The following TNFSF11 variants were observed in gnomAD, a reference collection of about 807,000 sequenced individuals.
TNFSF11 encodes tumor necrosis factor ligand superfamily member 11.
A neutral mutation model predicts 32.2 loss-of-function variants in TNFSF11; 12 were observed. The observed-to-expected ratio is 0.37, with a 90% CI of 0.24 to 0.60. The LOEUF is 0.60. Among genes scored for constraint, TNFSF11 ranks in the 20% least tolerant of loss-of-function variants. The probability of loss-of-function intolerance (pLI) is 0.66; values close to 1 mark genes in which losing one functional copy is unlikely to be tolerated. For missense variants in TNFSF11, 345 were observed against 398.0 expected (o/e 0.87, Z 1.13); for synonymous variants, 172 against 152.1 (o/e 1.13, Z -0.96).
intron 1 of TNFSF11, among the ~76,000 whole-genome samples, chr13:42,575,499 A>C (rs1240088962): frequency 2.0e-5 from 3 of 152,278 alleles, no homozygotes; most frequent in African/African-American, 7.2e-5. Flanking sequence ...GGGAAAAGAA[A>C]GTTGGGTTTG....
intron 4 of TNFSF11, among the ~76,000 whole-genome samples, chr13:42,602,827 A>G (rs1480309095): frequency 6.6e-6 from 1 of 152,256 alleles, no homozygotes; most frequent in Non-Finnish European, 1.5e-5. Flanking sequence ...TTTAAATGGC[A>G]TATGATAAAT....
intron 2 of TNFSF11, among the ~76,000 whole-genome samples, chr13:42,583,541 C>A (rs1217498685): frequency 6.7e-6 from 1 of 149,966 alleles, no homozygotes; most frequent in African/African-American, 2.5e-5. Context: ...ATATTATCAT[C>A]TTATAGATCC....
chr13:42,579,415 C>A (rs200552509), intron 1 of TNFSF11, among the ~76,000 whole-genome samples: 787 of 112,266 alleles, frequency 7.0e-3, no homozygotes, highest in Middle Eastern at 0.019. Context: ...ACCCTGTCTT[C>A]AAAAAAAAAA....
chr13:42,601,377 G>A (rs1318466849), intron 4 of TNFSF11, among the ~76,000 whole-genome samples: 1 of 152,154 alleles, frequency 6.6e-6, no homozygotes, highest in East Asian at 1.9e-4. Flanking sequence ...CTCCTGCAGA[G>A]GTCCAGGGAG....
chr13:42,563,461 A>G (rs992890876), intron 1 of TNFSF11, among the ~76,000 whole-genome samples: 1 of 152,122 alleles, frequency 6.6e-6, no homozygotes. Flanking sequence ...TCAAGAGTTC[A>G]AGACCAGCCT....
chr13:42,603,223 T>C (rs1016271795), intron 4 of TNFSF11, among the ~76,000 whole-genome samples: 1 of 152,182 alleles, frequency 6.6e-6, no homozygotes, highest in Non-Finnish European at 1.5e-5. Context: ...TCAAAATATC[T>C]TAGATGAAAT....
At chr13:42,604,379 G>A (rs751963061) in intron 4 of TNFSF11, among the ~76,000 whole-genome samples, 7 of 152,194 alleles carry the variant, frequency 4.6e-5, no homozygotes, top group Non-Finnish European at 1.0e-4. Context: ...CCTGAAATAA[G>A]ACCTCCGATG....
upstream of TNFSF11, among the ~76,000 whole-genome samples, chr13:42,571,004 T>C (rs1373268241): frequency 6.6e-6 from 1 of 152,038 alleles, no homozygotes; most frequent in Non-Finnish European, 1.5e-5. Flanking sequence ...TTTTTTTTTT[T>C]CCCACTAGGG....
intron 4 of TNFSF11, among the ~76,000 whole-genome samples, chr13:42,605,197 C>T (rs570165934): frequency 2.0e-5 from 3 of 152,310 alleles, no homozygotes; most frequent in African/African-American, 7.2e-5. Context: ...TAATTTATCT[C>T]CCTCAGCATC....
At chr13:42,583,795 G>A (rs1347457179) in intron 2 of TNFSF11, among the ~76,000 whole-genome samples, 1 of 151,952 alleles carries the variant, frequency 6.6e-6, no homozygotes, top group East Asian at 1.9e-4. Flanking sequence ...ACGTTATTTA[G>A]CGTTGTTCTG....
chr13:42,599,438 C>T (rs1869041292), intron 2 of TNFSF11, among the ~76,000 whole-genome samples: 1 of 151,788 alleles, frequency 6.6e-6, no homozygotes, highest in East Asian at 1.9e-4. Flanking sequence ...AGCTGCATGG[C>T]CTATCTTTCA....
At chr13:42,603,421 G>A (rs1869281971) in intron 4 of TNFSF11, among the ~76,000 whole-genome samples, 1 of 152,076 alleles carries the variant, frequency 6.6e-6, no homozygotes, top group African/African-American at 2.4e-5. Context: ...GAAAATCCAG[G>A]TTTCCATGTG....
At chr13:42,586,378 T>G (rs1346653514) in intron 2 of TNFSF11, among the ~76,000 whole-genome samples, 1 of 152,250 alleles carries the variant, frequency 6.6e-6, no homozygotes, top group Non-Finnish European at 1.5e-5. Context: ...CCATTCAGAA[T>G]GTTACAAGCC....
chr13:42,589,751 C>T (rs150256973), intron 2 of TNFSF11, among the ~76,000 whole-genome samples: 1 of 152,332 alleles, frequency 6.6e-6, no homozygotes, highest in Non-Finnish European at 1.5e-5. Flanking sequence ...GGGCAAAGGG[C>T]ATGTCTGTCC....
chr13:42,597,188 T>C (rs2137896359), intron 2 of TNFSF11, among the ~76,000 whole-genome samples: 1 of 145,562 alleles, frequency 6.9e-6, no homozygotes, highest in South Asian at 2.3e-4. Context: ...TAGACAGTCA[T>C]GCGCTCTCTT....
chr13:42,566,999 AAAT>A (rs1872895415), intron 2 of TNFSF11, among the ~76,000 whole-genome samples: 2 of 26,134 alleles, frequency 7.7e-5, no homozygotes, highest in South Asian at 1.4e-3. Context: ...CTCAAAAAAT[AAAT>A]AAATAAATAA....
At chr13:42,582,546 A>G (rs1387565016) in intron 2 of TNFSF11, among the ~76,000 whole-genome samples, 1 of 152,254 alleles carries the variant, frequency 6.6e-6, no homozygotes. Flanking sequence ...TCTTAATTCC[A>G]GAGATATCAA....
chr13:42,571,644 T>A (rs1402629661), upstream of TNFSF11: 1 of 152,230 alleles, frequency 6.6e-6, no homozygotes, highest in Non-Finnish European at 1.5e-5. Flanking sequence ...GCTGGGATTA[T>A]AGAAGTGAAC....
intron 2 of TNFSF11, among the ~76,000 whole-genome samples, chr13:42,597,995 C>T (rs1868915285): frequency 6.6e-6 from 1 of 152,028 alleles, no homozygotes; most frequent in African/African-American, 2.4e-5. Flanking sequence ...GTGGATGTCG[C>T]CACACCCAGC....
Sources: gnomAD v4.1 joint callset for allele counts (sites outside exome capture counted in the v4.1 genomes callset) on GRCh38, gnomAD v4.1.1 for gene constraint, MANE v1.5 for transcripts, NCBI Gene and HGNC (gene_info 2026-07-23, HGNC 2026-07-21) for gene names.